The following CELF1 variants were observed in gnomAD, a reference collection of about 807,000 sequenced individuals.
The protein encoded by CELF1 is CUGBP Elav-like family member 1.
Under a neutral mutation model 61.8 loss-of-function variants are expected in CELF1, and 10 were observed. The observed-to-expected ratio is 0.16, with a 90% CI of 0.10 to 0.27. CELF1 has a LOEUF of 0.27. CELF1 is among the 10% of genes least tolerant of loss of function. The pLI, the probability that CELF1 is intolerant of heterozygous loss-of-function variation, is 1.00. For missense variants in CELF1, 380 were observed against 639.1 expected (o/e 0.59, Z 4.37); for synonymous variants, 236 against 225.1 (o/e 1.05, Z -0.43).
chr11:47,499,001 A>G (rs2093564747), intron 3 of CELF1, among the ~76,000 whole-genome samples: 1 of 152,162 alleles, frequency 6.6e-6, no homozygotes, highest in African/African-American at 2.4e-5. Flanking sequence ...AGATGATACT[A>G]AACACACTGA....
At chr11:47,556,611 C>T (rs144828473), upstream of CELF1, among the ~76,000 whole-genome samples, 45 of 152,262 alleles carry the variant, frequency 3.0e-4, no homozygotes, top group African/African-American at 9.4e-4. Flanking sequence ...TGGCATACTC[C>T]CATAATCCCA....
chr11:47,477,489 G>A, intron 10 of CELF1, 64 bp from the exon 11 acceptor site: 1 of 1,564,920 alleles, frequency 6.4e-7, no homozygotes, highest in Non-Finnish European at 8.7e-7. Context: ...TTCCAGCAAT[G>A]ACAAGCACAC....
chr11:47,490,914 T>A (rs1596618377), intron 3 of CELF1, among the ~76,000 whole-genome samples: 1 of 151,286 alleles, frequency 6.6e-6, no homozygotes. Context: ...CGGGCTGGAG[T>A]GCAATGGTGC....
At chr11:47,525,754 C>T (rs2096206033) in intron 1 of CELF1, among the ~76,000 whole-genome samples, 1 of 152,066 alleles carries the variant, frequency 6.6e-6, no homozygotes, top group South Asian at 2.1e-4. Flanking sequence ...TGCACTAAAG[C>T]GTGGGGTACA....
chr11:47,527,192 CTT>C (rs2096275456), intron 1 of CELF1, among the ~76,000 whole-genome samples: 1 of 151,992 alleles, frequency 6.6e-6, no homozygotes, highest in Non-Finnish European at 1.5e-5. Context: ...TTAAAAGCCT[CTT>C]AACACTAAAC....
At chr11:47,547,616 C>T (rs2097000348) in intron 1 of CELF1, among the ~76,000 whole-genome samples, 1 of 147,838 alleles carries the variant, frequency 6.8e-6, no homozygotes, top group African/African-American at 2.5e-5. Flanking sequence ...TTACAGTGAG[C>T]CGAGATCGCG....
chr11:47,509,143 T>C (rs542549443), intron 1 of CELF1, among the ~76,000 whole-genome samples: 65 of 152,326 alleles, frequency 4.3e-4, no homozygotes, highest in African/African-American at 1.5e-3. Context: ...TTGCCTATTC[T>C]GTGAGAAAAC....
intron 3 of CELF1, among the ~76,000 whole-genome samples, chr11:47,498,419 A>G (rs1374396195): frequency 6.6e-6 from 1 of 152,158 alleles, no homozygotes; most frequent in East Asian, 1.9e-4. Flanking sequence ...ACAGAGAGAG[A>G]AAGAGCTAAC....
At chr11:47,516,260 T>C (rs934669411) in intron 1 of CELF1, among the ~76,000 whole-genome samples, 3 of 152,144 alleles carry the variant, frequency 2.0e-5, no homozygotes, top group Non-Finnish European at 2.9e-5. Flanking sequence ...CAAATGTTTT[T>C]TGAATTGGTC....
intron 6 of CELF1, among the ~76,000 whole-genome samples, chr11:47,486,284 T>C (rs1478151465): frequency 6.6e-6 from 1 of 151,972 alleles, no homozygotes; most frequent in African/African-American, 2.4e-5. Flanking sequence ...AATGTTCTTA[T>C]AATATTTCTC....
Position 47,511,871 on chromosome 11 carries a change from CAG to C in CELF1, c.-153-10941_-153-10940del, listed in dbSNP as rs371008342. On this transcript the variant is annotated intron_variant, in intron 1 of 14. Coordinates refer to ENST00000687097, the MANE Select transcript of CELF1 (RefSeq NM_001376376.1). Reference sequence around the variant, plus strand: ...GTTGAGTCTGACTTTTTTTTTGAGACAGAGTCTCTCTCTCTTTTCCAGGCTGA... The same window carrying C: ...GTTGAGTCTGACTTTTTTTTTGAGACAGTCTCTCTCTCTTTTCCAGGCTGA... 6.9e-4 allele frequency among the ~76,000 whole-genome samples: 105 copies of C among 152,182 alleles called. 1 individual carries two copies. Among genetic ancestry groups the C allele is most frequent in the African/African-American group, 2.4e-3 (99 of 41,516 alleles).
chr11:47,549,823 T>G (rs2097091524), intron 1 of CELF1, among the ~76,000 whole-genome samples: 1 of 151,532 alleles, frequency 6.6e-6, no homozygotes, highest in African/African-American at 2.4e-5. Flanking sequence ...TTTTTTTGTT[T>G]TTTTTTTTTC....
At chr11:47,479,936 A>G (rs2082041300) in intron 9 of CELF1, among the ~76,000 whole-genome samples, 1 of 151,832 alleles carries the variant, frequency 6.6e-6, no homozygotes, top group Non-Finnish European at 1.5e-5. Context: ...GCACCTATAC[A>G]CCCTTTCCCC....
chr11:47,559,615 C>T (rs1565922400), intron 2 of CELF1, among the ~76,000 whole-genome samples: 1 of 152,114 alleles, frequency 6.6e-6, no homozygotes, highest in Non-Finnish European at 1.5e-5. Context: ...TAGATGTGAA[C>T]CATGGCACCC....
At chr11:47,556,844 G>A (rs1038429413), upstream of CELF1, among the ~76,000 whole-genome samples, 12 of 152,304 alleles carry the variant, frequency 7.9e-5, no homozygotes, top group African/African-American at 2.4e-4. Flanking sequence ...TCACGACACT[G>A]CACTCCAGCC....
intron 1 of CELF1, among the ~76,000 whole-genome samples, chr11:47,514,610 C>T (rs2095444487): frequency 6.9e-6 from 1 of 145,702 alleles, no homozygotes; most frequent in South Asian, 2.1e-4. Context: ...AATCCCAGCA[C>T]TTTGGGAGGC....
At chr11:47,484,740 G>A (rs894992416) in intron 6 of CELF1, among the ~76,000 whole-genome samples, 2 of 152,098 alleles carry the variant, frequency 1.3e-5, no homozygotes, top group Non-Finnish European at 1.5e-5. Flanking sequence ...GTGTAATGGC[G>A]CGATCTCGGC....
At chr11:47,517,451 T>C (rs1042867868) in intron 1 of CELF1, among the ~76,000 whole-genome samples, 1 of 152,206 alleles carries the variant, frequency 6.6e-6, no homozygotes, top group African/African-American at 2.4e-5. Context: ...AGTATAACCA[T>C]ACAACAGAAC....
upstream of CELF1, among the ~76,000 whole-genome samples, chr11:47,555,705 TTTTAAA>T (rs2097203760): frequency 6.6e-6 from 1 of 152,180 alleles, no homozygotes; most frequent in Admixed American, 6.6e-5. Context: ...GATTTATTTT[TTTTAAA>T]AAATAGCCAA....
Sources: allele counts gnomAD v4.1 joint callset (sites outside exome capture counted in the v4.1 genomes callset), GRCh38; gene constraint gnomAD v4.1.1; transcripts MANE v1.5; gene names NCBI Gene and HGNC (gene_info 2026-07-23, HGNC 2026-07-21).